PALMD: variants seen among roughly 807,000 people sequenced by gnomAD.
The protein encoded by PALMD is palmdelphin.
Under a neutral mutation model 56.2 loss-of-function variants are expected in PALMD, and 42 were observed. That is an observed-to-expected ratio of 0.75 (90% CI 0.58 to 0.97). The LOEUF is 0.97. Ranked by LOEUF, PALMD falls within the 50% of genes least tolerant of loss-of-function variation. The pLI is 0.00. For missense variants in PALMD, 660 were observed against 643.8 expected (o/e 1.03, Z -0.27); for synonymous variants, 242 against 222.9 (o/e 1.09, Z -0.76).
intron 3 of PALMD, among the ~76,000 whole-genome samples, chr1:99,672,011 A>C (rs1314647876): frequency 2.0e-5 from 3 of 152,206 alleles, no homozygotes; most frequent in Non-Finnish European, 2.9e-5. Flanking sequence ...TTAAGTTTCC[A>C]ATCTATGCTA....
chr1:99,655,665 T>TA (rs1192072063), intron 1 of PALMD, among the ~76,000 whole-genome samples: 2 of 152,190 alleles, frequency 1.3e-5, no homozygotes, highest in Non-Finnish European at 2.9e-5. Context: ...GTCATGTCTA[T>TA]AAATTTTTCT....
intron 6 of PALMD, among the ~76,000 whole-genome samples, chr1:99,687,441 G>A (rs991092893): frequency 2.6e-5 from 4 of 152,108 alleles, no homozygotes; most frequent in Admixed American, 2.6e-4. Context: ...GAGACAAGAA[G>A]CTCTTAAAAG....
Position 99,694,511 on chromosome 1 carries a change from TAATA to T in PALMD, c.*452_*455del, listed in dbSNP as rs1653743961. ...ATGTCATCCTGAATTAATAATGCCTTAATAAAAGTACATCCTCCTGCTAACTATC... is the reference window on the plus strand; with the variant it reads ...ATGTCATCCTGAATTAATAATGCCTTAAAGTACATCCTCCTGCTAACTATC... On this transcript the variant is annotated 3_prime_UTR_variant, in exon 8 of 8. Transcript: ENST00000263174. 1 of 156,182 alleles carries T rather than the reference TAATA, an allele frequency of 6.4e-6. No homozygotes were observed. The highest frequency in any genetic ancestry group is 1.4e-5 in the Non-Finnish European group (1 of 71,170). 9.7% of individuals were successfully genotyped at this position (156,182 alleles called of 1,614,324 possible). A position where few individuals can be genotyped will look rare whatever the true frequency, so the allele number is the denominator to read the frequency against.
chr1:99,666,217 A>T (rs1199221636), intron 2 of PALMD, among the ~76,000 whole-genome samples: 1 of 152,066 alleles, frequency 6.6e-6, no homozygotes, highest in East Asian at 1.9e-4. Flanking sequence ...TTTGTTTGTA[A>T]TGTTGTAAGT....
intron 3 of PALMD, among the ~76,000 whole-genome samples, chr1:99,682,328 T>G (rs1446845825): frequency 2.0e-5 from 3 of 152,180 alleles, no homozygotes; most frequent in Non-Finnish European, 2.9e-5. Flanking sequence ...AGTTATCCTT[T>G]TCAACTCAGA....
chr1:99,687,043 T>C (rs1276379471), intron 5 of PALMD, 33 bp from the exon 6 acceptor site: 1 of 1,510,274 alleles, frequency 6.6e-7, no homozygotes, highest in South Asian at 1.2e-5. Flanking sequence ...AAATATATTC[T>C]AAATGTATTT....
At chr1:99,683,161 A>G (rs368053352) in intron 3 of PALMD, 12 of 137,366 alleles carry the variant, frequency 8.7e-5, no homozygotes, top group Non-Finnish European at 1.3e-4. Flanking sequence ...AAAGAAAGAA[A>G]GAAAGAAACG....
intron 6 of PALMD, among the ~76,000 whole-genome samples, chr1:99,688,375 C>A (rs964435551): frequency 1.3e-5 from 2 of 152,116 alleles, no homozygotes; most frequent in Non-Finnish European, 2.9e-5. Context: ...CCAACATATT[C>A]TTCTTGACTA....
chr1:99,657,209 A>G (rs865789853), intron 1 of PALMD, among the ~76,000 whole-genome samples: 1 of 152,226 alleles, frequency 6.6e-6, no homozygotes, highest in Middle Eastern at 3.4e-3. Flanking sequence ...TCCATCCAAC[A>G]TTCCAACTGC....
At chr1:99,660,352 G>A (rs1292020706) in intron 1 of PALMD, among the ~76,000 whole-genome samples, 1 of 152,230 alleles carries the variant, frequency 6.6e-6, no homozygotes, top group African/African-American at 2.4e-5. Context: ...ATTGTCAGAT[G>A]AAACTTGGAT....
At chr1:99,654,154 G>A (rs916753257) in intron 1 of PALMD, among the ~76,000 whole-genome samples, 3 of 152,304 alleles carry the variant, frequency 2.0e-5, no homozygotes, top group East Asian at 3.9e-4. Flanking sequence ...CACGTGACTT[G>A]AGAAAGTTAA....
intron 1 of PALMD, among the ~76,000 whole-genome samples, chr1:99,649,511 G>A (rs1001393816): frequency 6.6e-6 from 1 of 152,144 alleles, no homozygotes; most frequent in Admixed American, 6.5e-5. Flanking sequence ...AGGACTGAAC[G>A]TACCACTGAC....
In PALMD at chr1:99,689,378, A is replaced by G; in HGVS notation, c.1118A>G (p.Glu373Gly). ...CCAAAGCCAAGGCTGAGCCCCAGAG[A>G]GACAATATTTGGGAAATCTGAACAC... ...PSPKPRLSPR[E>G]TIFGKSEHQN... is the part of the protein sequence containing the mutation. Residue 373 changes from glutamate to glycine, a missense_variant, in exon 7 of 8, where the codon GAG (glutamate) becomes GGG (glycine). By Grantham distance (98) the Glu-to-Gly change is moderately conservative (BLOSUM62 -2). Coordinates refer to ENST00000263174, the MANE Select transcript of PALMD (RefSeq NM_017734.5). 6.2e-7 allele frequency: 1 copy of G among 1,613,772 alleles called. No individual in the cohort carries two copies. The highest frequency in any genetic ancestry group is 8.5e-7 in the Non-Finnish European group (1 of 1,179,872).
chr1:99,688,476 G>A (rs1421582459), intron 6 of PALMD, among the ~76,000 whole-genome samples: 3 of 151,756 alleles, frequency 2.0e-5, no homozygotes, highest in East Asian at 1.9e-4. Context: ...TATCTTTTTC[G>A]GTTCCCCATT....
intron 2 of PALMD, among the ~76,000 whole-genome samples, chr1:99,664,746 C>T (rs761187399): frequency 3.9e-5 from 6 of 152,184 alleles, no homozygotes; most frequent in Non-Finnish European, 7.3e-5. Flanking sequence ...TATAGCCTGT[C>T]TCTTATTTTC....
chr1:99,671,143 A>T (rs1257000246), intron 3 of PALMD, among the ~76,000 whole-genome samples: 1 of 152,206 alleles, frequency 6.6e-6, no homozygotes, highest in Non-Finnish European at 1.5e-5. Flanking sequence ...TGCCTGCTCG[A>T]GGGTGACATT....
At chr1:99,667,530 T>C in intron 2 of PALMD, 112 bp from the exon 3 acceptor site, 1 of 863,374 alleles carries the variant, frequency 1.2e-6, no homozygotes, top group Admixed American at 2.1e-5. Context: ...TGACAGAAAA[T>C]AATTCCTCTT....
intron 4 of PALMD, 36 bp downstream of exon 4, chr1:99,686,826 C>G: frequency 2.2e-6 from 3 of 1,373,718 alleles, no homozygotes; most frequent in Non-Finnish European, 2.1e-6. Context: ...GTAATTCTCT[C>G]TCAAAATGAA....
In PALMD at chr1:99,646,238, C is replaced by T. The variant is rs534722346; in HGVS notation, c.-80C>T. On this transcript the variant is annotated 5_prime_UTR_variant, in exon 1 of 8. Coordinates refer to ENST00000263174, the MANE Select transcript of PALMD (RefSeq NM_017734.5). ...CTCCCTGCTTCTCTTCTGTCACCCC[C>T]GCTCCTCTCCCCCAGGAGGCTCCTT... 1.5e-5 allele frequency: 16 copies of T among 1,101,900 alleles called. No homozygotes were observed. Among genetic ancestry groups the T allele is most frequent in the East Asian group, 1.4e-4 (6 of 42,428 alleles). The allele number at this position is 1,101,900 out of a possible 1,614,324, so 68.3% of individuals were successfully genotyped here.
Sources: gnomAD v4.1 joint callset for allele counts (sites outside exome capture counted in the v4.1 genomes callset) on GRCh38, gnomAD v4.1.1 for gene constraint, MANE v1.5 for transcripts, NCBI Gene and HGNC (gene_info 2026-07-23, HGNC 2026-07-21) for gene names.